Variants in KANSL1 observed in about 807,000 individuals in gnomAD.
KANSL1 encodes MLL1/MLL complex subunit KANSL1.
KANSL1 carries 22 observed loss-of-function variants against 103.6 expected under a neutral mutation model. The observed-to-expected ratio is 0.21, with a 90% CI of 0.15 to 0.30. The LOEUF (loss-of-function observed/expected upper bound fraction) is 0.30. Among genes scored for constraint, KANSL1 ranks in the 10% least tolerant of loss-of-function variants. The probability of loss-of-function intolerance (pLI) is 1.00; values close to 1 mark genes in which losing one functional copy is unlikely to be tolerated. For synonymous variants in KANSL1, 600 were observed against 527.6 expected (o/e 1.14, Z -1.88); for missense variants, 1,337 against 1,399.8 (o/e 0.96, Z 0.72).
At chr17:46,161,399 G>A (rs2045734562) in intron 2 of KANSL1, among the ~76,000 whole-genome samples, 1 of 151,680 alleles carries the variant, frequency 6.6e-6, no homozygotes. Flanking sequence ...TCATGCCACT[G>A]CACTCCAGCC....
chr17:46,035,614 G>C (rs1180446524), intron 10 of KANSL1: 1 of 152,164 alleles, frequency 6.6e-6, no homozygotes, highest in Non-Finnish European at 1.5e-5. Context: ...TGTAGCTGAG[G>C]ATTAGTGATC....
intron 1 of KANSL1, among the ~76,000 whole-genome samples, chr17:46,213,467 ATT>A (rs748428844): frequency 6.6e-5 from 9 of 136,380 alleles, no homozygotes; most frequent in African/African-American, 5.5e-5. Flanking sequence ...CGCCCGGCTA[ATT>A]TTTTTTTTTT....
Position 46,065,981 on chromosome 17 carries a change from C to T in KANSL1, c.1848+556G>A, listed in dbSNP as rs532017719. 9.2e-5 allele frequency among the ~76,000 whole-genome samples: 14 copies of T among 152,286 alleles called. No homozygotes were observed. The East Asian group carries it at 2.7e-3, about 29-fold the overall frequency. On this transcript the variant is annotated intron_variant, in intron 6 of 14. Transcript: ENST00000432791. Reference sequence around the variant, plus strand: ...TGGGTTCAAGCAATCCTGCCTCGGCCTCCTGAATAGCTGGGACTACAGGTG... The same window carrying T: ...TGGGTTCAAGCAATCCTGCCTCGGCTTCCTGAATAGCTGGGACTACAGGTG...
rs1265892709 is a variant in KANSL1 at position 46,031,269 on chromosome 17, G to A, written c.*207C>T. On this transcript the variant is annotated 3_prime_UTR_variant, in exon 15 of 15. Coordinates refer to ENST00000432791, the MANE Select transcript of KANSL1 (RefSeq NM_015443.4). Reference sequence around the variant, plus strand: ...CTTCTGTTTGCCAACGGGAGGAAGTGCTCAGGTGTGTGACAAGAAAACATG... The same window carrying A: ...CTTCTGTTTGCCAACGGGAGGAAGTACTCAGGTGTGTGACAAGAAAACATG... 6.5e-6 allele frequency: 4 copies of A among 611,938 alleles called. No individual in the cohort carries two copies. Among genetic ancestry groups the A allele is most frequent in the Non-Finnish European group, 8.6e-6 (3 of 349,912 alleles). The allele number at this position is 611,938 out of a possible 1,614,324, so 37.9% of individuals were successfully genotyped here.
At chr17:46,057,597 G>A (rs913305940) in intron 6 of KANSL1, among the ~76,000 whole-genome samples, 6 of 151,936 alleles carry the variant, frequency 3.9e-5, no homozygotes, top group Admixed American at 3.3e-4. Context: ...AGCATAAGGC[G>A]GCCACCTTGT....
intron 2 of KANSL1, among the ~76,000 whole-genome samples, chr17:46,114,487 A>T (rs1168047068): frequency 6.6e-6 from 1 of 152,212 alleles, no homozygotes; most frequent in Non-Finnish European, 1.5e-5. Context: ...AACTAGAAAA[A>T]CTTTATTCTA....
At chr17:46,041,571 A>G (rs1023741600) in intron 7 of KANSL1, 11 of 152,172 alleles carry the variant, frequency 7.2e-5, no homozygotes, top group African/African-American at 2.7e-4. Context: ...CCACTACTTC[A>G]AGGAAGAAGG....
chr17:46,204,179 G>A (rs1469638676), intron 1 of KANSL1, among the ~76,000 whole-genome samples: 10 of 152,064 alleles, frequency 6.6e-5, no homozygotes, highest in Non-Finnish European at 1.2e-4. Context: ...CAAAAAGGCC[G>A]GGTGTGGTGG....
At chr17:46,194,114 A>G (rs1249030151), upstream of KANSL1, among the ~76,000 whole-genome samples, 4 of 152,176 alleles carry the variant, frequency 2.6e-5, no homozygotes, top group African/African-American at 9.7e-5. Context: ...GCGCCGGGCC[A>G]GCCCGGGAAG....
Position 46,066,614 on chromosome 17 carries a change from C to A in KANSL1, c.1771G>T (p.Ala591Ser), listed in dbSNP as rs761905806. The change falls in exon 6 of 15, where the codon GCC becomes TCC. Residue 591 changes from alanine to serine, a missense_variant. Physicochemically the swap from Ala to Ser is moderately conservative, Grantham distance 99 (BLOSUM62 1). Coordinates refer to ENST00000432791, the MANE Select transcript of KANSL1 (RefSeq NM_015443.4). ...SSSSDGTCVA[A>S]RTRPVLSCKK... is the part of the protein sequence containing the mutation. ...CAGCTCAGTACAGGACGTGTCCGGG[C>A]TGCCACACAGGTGCCATCAGATGAT... 2 of 1,614,166 alleles carry A rather than the reference C, an allele frequency of 1.2e-6. No homozygotes were observed. Among genetic ancestry groups the A allele is most frequent in the South Asian group, 2.2e-5 (2 of 91,082 alleles).
intron 5 of KANSL1, among the ~76,000 whole-genome samples, chr17:46,067,272 T>C (rs993177568): frequency 6.6e-6 from 1 of 152,228 alleles, no homozygotes; most frequent in Non-Finnish European, 1.5e-5. Flanking sequence ...ATATAAGCAC[T>C]TCTGAGGAAT....
intron 2 of KANSL1, among the ~76,000 whole-genome samples, chr17:46,133,782 TATG>T (rs1401076579): frequency 1.3e-5 from 2 of 152,232 alleles, no homozygotes; most frequent in South Asian, 2.1e-4. Flanking sequence ...AAAGAAATGA[TATG>T]ATACATTTTT....
chr17:46,031,604 T>G lies in KANSL1; in HGVS notation c.3190A>C (p.Thr1064Pro), dbSNP rs982701618. The G allele has an allele frequency of 6.2e-7, 1 of 1,613,960 alleles. No homozygotes were observed. The highest frequency in any genetic ancestry group is 8.5e-7 in the Non-Finnish European group (1 of 1,179,992). ...LDAQERAARC[T>P]RRTSGSKTGR... ...GTCTTGCTGCCTGAGGTGCGTCGAG[T>G]GCAGCGGGCTGCTCGCTCCTGTGCA... Residue 1064 changes from threonine to proline, a missense_variant, in exon 15 of 15, where the codon ACT (threonine) becomes CCT (proline). Physicochemically the swap from Thr to Pro is conservative, Grantham distance 38. This residue lies in a region of KANSL1 where 780 missense variants were observed against 923.4 expected (regional missense o/e 0.84). Transcript: ENST00000432791.
chr17:46,055,887 G>C (rs1242077906), intron 6 of KANSL1, among the ~76,000 whole-genome samples: 2 of 151,858 alleles, frequency 1.3e-5, no homozygotes, highest in African/African-American at 2.4e-5. Flanking sequence ...ACAAAAGGAG[G>C]TATTACTTTT....
chr17:46,109,602 T>TA (rs2042717435), intron 2 of KANSL1, among the ~76,000 whole-genome samples: 1 of 152,212 alleles, frequency 6.6e-6, no homozygotes, highest in Admixed American at 6.5e-5. Context: ...AGTTTTCAGT[T>TA]AAAGAATGAC....
At chr17:46,220,969 T>C (rs1488328597) in intron 1 of KANSL1, among the ~76,000 whole-genome samples, 2 of 151,700 alleles carry the variant, frequency 1.3e-5, no homozygotes, top group East Asian at 3.9e-4. Flanking sequence ...ATTACACGTG[T>C]GAGCCACCAT....
At chr17:46,182,245 A>G (rs185685431) in intron 1 of KANSL1, among the ~76,000 whole-genome samples, 2 of 152,346 alleles carry the variant, frequency 1.3e-5, no homozygotes, top group Admixed American at 1.3e-4. Flanking sequence ...AACACGAATC[A>G]AAAAATTGAC....
chr17:46,106,235 T>C (rs2147066868), intron 2 of KANSL1, among the ~76,000 whole-genome samples: 1 of 152,312 alleles, frequency 6.6e-6, no homozygotes, highest in South Asian at 2.1e-4. Flanking sequence ...CCCAGTCAGC[T>C]ACTGAGAAAT....
At chr17:46,204,648 C>T (rs191122366) in intron 1 of KANSL1, among the ~76,000 whole-genome samples, 1 of 152,214 alleles carries the variant, frequency 6.6e-6, no homozygotes, top group South Asian at 2.1e-4. Flanking sequence ...ACATAGATAT[C>T]ACAAGACAAC....
Sources: gnomAD v4.1 joint callset for allele counts (sites outside exome capture counted in the v4.1 genomes callset) on GRCh38, gnomAD v4.1.1 for gene constraint, gnomAD v4.1.1 regional missense constraint, MANE v1.5 for transcripts, NCBI Gene and HGNC (gene_info 2026-07-23, HGNC 2026-07-21) for gene names.